USP8: variants seen among roughly 807,000 people sequenced by gnomAD.
USP8 encodes ubiquitin carboxyl-terminal hydrolase 8.
A neutral mutation model predicts 130.0 loss-of-function variants in USP8; 27 were observed. That is an observed-to-expected ratio of 0.21 (90% CI 0.15 to 0.29). The LOEUF (loss-of-function observed/expected upper bound fraction) is 0.29, where lower values mean the gene tolerates loss of function less well. USP8 is among the 10% of genes least tolerant of loss of function. The pLI, the probability that USP8 is intolerant of heterozygous loss-of-function variation, is 1.00. For missense variants in USP8, 1,029 were observed against 1,312.2 expected, an observed-to-expected ratio of 0.78 and a Z score of 3.33; for synonymous variants, 392 against 444.1, an observed-to-expected ratio of 0.88 and a Z score of 1.48.
intron 10 of USP8, 83 bp downstream of exon 10, chr15:50,477,582 G>A (rs2051610457): frequency 2.3e-6 from 3 of 1,289,892 alleles, no homozygotes; most frequent in East Asian, 2.5e-5. Flanking sequence ...CCTCACGCCT[G>A]TAATCCCAGC....
intron 1 of USP8, among the ~76,000 whole-genome samples, chr15:50,436,239 G>T (rs1427052932): frequency 6.7e-6 from 1 of 150,212 alleles, no homozygotes; most frequent in Non-Finnish European, 1.5e-5. Flanking sequence ...TCTATGTAGT[G>T]GCTAATTCCT....
At chr15:50,495,670 GT>G (rs910842371) in intron 16 of USP8, among the ~76,000 whole-genome samples, 177 bp from the exon 17 acceptor site, 4 of 151,850 alleles carry the variant, frequency 2.6e-5, no homozygotes, top group African/African-American at 4.8e-5. Context: ...AAGTGAGTGA[GT>G]TTTTTTTGGT....
intron 1 of USP8, among the ~76,000 whole-genome samples, chr15:50,433,575 G>C (rs1310127666): frequency 6.6e-6 from 1 of 152,150 alleles, no homozygotes; most frequent in Non-Finnish European, 1.5e-5. Context: ...TTAGAAAGGA[G>C]CAGAAGGATG....
chr15:50,505,303 A>G lies in USP8; in HGVS notation c.*6215A>G, dbSNP rs2141343660. 6.6e-6 allele frequency: 1 copy of G among 152,320 alleles called. No individual in the cohort carries two copies. The highest frequency in any genetic ancestry group is 2.1e-4 in the South Asian group (1 of 4,820). 9.4% of individuals were successfully genotyped at this position (152,320 alleles called of 1,614,324 possible). ...GCAACCAGAAAGAAAAAGAGAGTTT[A>G]CCCACAAGAATCTAACCTGCTGGTA... On this transcript the variant is annotated 3_prime_UTR_variant, in exon 20 of 20. Coordinates refer to ENST00000307179, the MANE Select transcript of USP8 (RefSeq NM_005154.5).
intron 8 of USP8, among the ~76,000 whole-genome samples, chr15:50,476,543 T>C (rs561608102): frequency 9.8e-5 from 15 of 152,356 alleles, no homozygotes; most frequent in Non-Finnish European, 8.8e-5. Flanking sequence ...GAAAACTCTC[T>C]ATAAGAGTAA....
At chr15:50,475,773 T>G (rs1182227271) in intron 8 of USP8, among the ~76,000 whole-genome samples, 1 of 152,022 alleles carries the variant, frequency 6.6e-6, no homozygotes, top group African/African-American at 2.4e-5. Context: ...TGGCTAATTT[T>G]TGTATGTTTA....
chr15:50,438,398 A>T (rs1015945725), intron 1 of USP8, among the ~76,000 whole-genome samples: 1 of 152,234 alleles, frequency 6.6e-6, no homozygotes, highest in Non-Finnish European at 1.5e-5. Context: ...AGCCTGGCCA[A>T]TATGACGAAA....
Position 50,447,555 on chromosome 15 carries a change from T to C in USP8, c.250-1845T>C, listed in dbSNP as rs573837236. Among the ~76,000 whole-genome samples, 6 of 151,428 alleles carry C rather than the reference T, an allele frequency of 4.0e-5. No individual in the cohort carries two copies. The East Asian group carries it at 7.8e-4, about 20-fold the overall frequency. On this transcript the variant is annotated intron_variant, in intron 3 of 19. Transcript: ENST00000307179. ...TGCACCCAGCCTACTGTTAGTTTTT[T>C]TTTTCTTTTCTTTTTTTCCCCTCCG...
intron 17 of USP8, 175 bp from the exon 18 acceptor site, chr15:50,496,914 T>G: frequency 1.4e-6 from 1 of 731,358 alleles, no homozygotes; most frequent in Non-Finnish European, 2.1e-6. Context: ...TGTGCTGTCA[T>G]TGTTCACTTG....
chr15:50,498,962 A>T lies in USP8; in HGVS notation c.3231A>T (p.Arg1077Ser). Residue 1077 changes from arginine (R) to serine (S), a missense_variant, in exon 20 of 20, where the codon AGA becomes AGT. By Grantham distance (110) the Arg-to-Ser change is moderately radical. Transcript: ENST00000307179. The part of the protein sequence containing the change: ...HYTAYCKNAA[R>S]QRWFKFDDHE... Reference sequence around the variant, plus strand: ...CAGCCTATTGTAAAAATGCAGCAAGACAACGGTGGTTTAAGTTTGATGATC... The same window carrying T: ...CAGCCTATTGTAAAAATGCAGCAAGTCAACGGTGGTTTAAGTTTGATGATC... 1.2e-6 allele frequency: 2 copies of T among 1,614,060 alleles called. No homozygotes were observed. The highest frequency in any genetic ancestry group is 8.5e-7 in the Non-Finnish European group (1 of 1,179,908).
chr15:50,501,302 GA>G lies in USP8; in HGVS notation c.*2234del, dbSNP rs59352489. 0.48 allele frequency: 52,172 copies of G among 108,842 alleles called. 10,568 individuals are homozygous for G. Among genetic ancestry groups the G allele is most frequent in the African/African-American group, 0.49 (13,959 of 28,528 alleles). The allele number at this position is 108,842 out of a possible 1,614,324, so 6.7% of individuals were successfully genotyped here. On this transcript the variant is annotated 3_prime_UTR_variant, in exon 20 of 20. Transcript: ENST00000307179. Reference sequence around the variant, plus strand: ...TAGCGAGACTCCATATCTTTTAAAGGAAAAAAAAAAAAAAAAAAAAGATGAG... The same window carrying G: ...TAGCGAGACTCCATATCTTTTAAAGGAAAAAAAAAAAAAAAAAAAGATGAG...
Position 50,481,923 on chromosome 15 carries a change from A to G in USP8, c.1661A>G (p.Gln554Arg). Residue 554 changes from glutamine to arginine, a missense_variant, in exon 11 of 20, where the codon CAA becomes CGA. This residue lies in a region of USP8 where 486 missense variants were observed against 522.0 expected (regional missense o/e 0.93). Transcript: ENST00000307179. ...AAAGAAATAACAGGAGTAAAAAGAC[A>G]AAGTAAAAGTGAACATGAAACTTCT... ...RGKEITGVKR[Q>R]SKSEHETSDA... The G allele has an allele frequency of 6.2e-7, 1 of 1,607,698 alleles. No homozygotes were observed. The highest frequency in any genetic ancestry group is 8.5e-7 in the Non-Finnish European group (1 of 1,178,296).
At position 50,498,988 on chromosome 15, in the gene USP8, A is replaced by G; in HGVS notation, c.3257A>G (p.His1086Arg). ...CAACGGTGGTTTAAGTTTGATGATC[A>G]TGAAGTTTCTGATATCTCCGTTTCT... is the stretch of plus-strand genomic sequence containing the variant. ...ARQRWFKFDD[H>R]EVSDISVSSV... The change falls in exon 20 of 20, where the codon CAT becomes CGT. Residue 1086 changes from histidine to arginine, a missense_variant. Physicochemically the swap from His to Arg is conservative, Grantham distance 29. This residue lies in a region of USP8 where 257 missense variants were observed against 429.8 expected (regional missense o/e 0.60). Transcript: ENST00000307179. The G allele has an allele frequency of 1.2e-6, 2 of 1,614,018 alleles. No individual in the cohort carries two copies. Among genetic ancestry groups the G allele is most frequent in the East Asian group, 2.2e-5 (1 of 44,872 alleles).
chr15:50,444,097 GTT>G (rs751970462), intron 3 of USP8, among the ~76,000 whole-genome samples: 14,089 of 117,126 alleles, frequency 0.12, 961 homozygotes, highest in Middle Eastern at 0.25. Context: ...TGTGTGGTAG[GTT>G]TTTTTTTTTT....
chr15:50,442,109 G>A (rs143266473), intron 3 of USP8, among the ~76,000 whole-genome samples: 124 of 151,674 alleles, frequency 8.2e-4, no homozygotes, highest in African/African-American at 2.8e-3. Flanking sequence ...CGAGTAACTG[G>A]GATTACAGGC....
chr15:50,446,692 A>ATATT (rs1161614526), intron 3 of USP8, among the ~76,000 whole-genome samples: 2 of 152,226 alleles, frequency 1.3e-5, no homozygotes, highest in African/African-American at 4.8e-5. Context: ...TCCTTCTAGT[A>ATATT]TATTTAGGCT....
In USP8 at chr15:50,472,920, C is replaced by A. The variant is rs149220245; in HGVS notation, c.849+1125C>A. On this transcript the variant is annotated intron_variant, in intron 8 of 19. Transcript: ENST00000307179. ...AGCAGAACTGTGTCTTACACACACA[C>A]AAAAAAAGATTACAAGGCAGAAGAC... Among the ~76,000 whole-genome samples, 410 of 151,900 alleles carry A rather than the reference C, an allele frequency of 2.7e-3. 6 individuals are homozygous for A. In the East Asian group the frequency reaches 0.041, roughly 15 times the overall value.
intron 4 of USP8, among the ~76,000 whole-genome samples, chr15:50,451,859 T>C (rs2050638043): frequency 6.6e-6 from 1 of 152,176 alleles, no homozygotes; most frequent in Admixed American, 6.5e-5. Flanking sequence ...TGAGGGAGGG[T>C]ATATGCTCTC....
At chr15:50,467,768 A>G (rs910910709) in intron 7 of USP8, among the ~76,000 whole-genome samples, 1 of 151,498 alleles carries the variant, frequency 6.6e-6, no homozygotes, top group African/African-American at 2.4e-5. Flanking sequence ...CATTGCCCAG[A>G]CAGCTCTCAA....
Sources: gnomAD v4.1 joint callset for allele counts (sites outside exome capture counted in the v4.1 genomes callset) on GRCh38, gnomAD v4.1.1 for gene constraint, gnomAD v4.1.1 regional missense constraint, MANE v1.5 for transcripts, NCBI Gene and HGNC (gene_info 2026-07-23, HGNC 2026-07-21) for gene names.